KLF10: variants seen among roughly 807,000 people sequenced by gnomAD.
The protein encoded by KLF10 is KLF transcription factor 10, also known as Krueppel-like factor 10.
In KLF10, 17 loss-of-function variants were observed where a neutral mutation model predicts 31.6. The ratio of observed to expected loss-of-function variants is 0.54; its 90% CI spans 0.37 to 0.81. KLF10 has a LOEUF of 0.81. Among genes scored for constraint, KLF10 ranks in the 30% least tolerant of loss-of-function variants. KLF10 has a pLI of 0.00. For missense variants in KLF10, 525 were observed against 598.1 expected (o/e 0.88, Z 1.27); for synonymous variants, 239 against 215.1 (o/e 1.11, Z -0.97).
At chr8:102,650,485 AAAT>A (rs1307144534) in intron 3 of KLF10, 94 bp from the exon 4 acceptor site, 44 of 1,251,784 alleles carry the variant, frequency 3.5e-5, no homozygotes, top group Non-Finnish European at 4.3e-5. Context: ...GATACATTTT[AAAT>A]AATAAAAGCT....
At position 102,655,688 on chromosome 8, in the gene KLF10, A is replaced by T; in HGVS notation, c.-87T>A. 6.7e-7 allele frequency: 1 copy of T among 1,482,728 alleles called. No homozygotes were observed. The highest frequency in any genetic ancestry group is 2.4e-5 in the East Asian group (1 of 41,912). 91.8% of individuals were successfully genotyped at this position (1,482,728 alleles called of 1,614,324 possible). ...ACAGACGGGCGCACGGAGACACTCG[A>T]CGCCGCTCCCGCCGCCGCCGCGCTC... is the stretch of plus-strand genomic sequence containing the variant. On this transcript the variant is annotated 5_prime_UTR_variant, in exon 1 of 4. Coordinates refer to ENST00000285407, the MANE Select transcript of KLF10 (RefSeq NM_005655.4).
At position 102,655,689 on chromosome 8, in the gene KLF10, C is replaced by T. The variant is rs1487524940; in HGVS notation, c.-88G>A. ...CAGACGGGCGCACGGAGACACTCGACGCCGCTCCCGCCGCCGCCGCGCTCA... is the reference window on the plus strand; with the variant it reads ...CAGACGGGCGCACGGAGACACTCGATGCCGCTCCCGCCGCCGCCGCGCTCA... On this transcript the variant is annotated 5_prime_UTR_variant, in exon 1 of 4. Transcript: ENST00000285407. The T allele has an allele frequency of 2.1e-6, 3 of 1,434,688 alleles. No individual in the cohort carries two copies. The highest frequency in any genetic ancestry group is 2.9e-6 in the Non-Finnish European group (3 of 1,035,664). The allele number at this position is 1,434,688 out of a possible 1,614,324, so 88.9% of individuals were successfully genotyped here. A position where few individuals can be genotyped will look rare whatever the true frequency, so the allele number is the denominator to read the frequency against.
chr8:102,655,519 A>C, intron 1 of KLF10, 47 bp downstream of exon 1: 1 of 1,612,740 alleles, frequency 6.2e-7, no homozygotes, highest in Non-Finnish European at 8.5e-7. Flanking sequence ...TTGGCCCCCC[A>C]GACAAGACCA....
chr8:102,655,725 C>A lies in KLF10; in HGVS notation c.-124G>T, dbSNP rs1223798919. 3 of 1,145,760 alleles carry A rather than the reference C, an allele frequency of 2.6e-6. No homozygotes were observed. Among genetic ancestry groups the A allele is most frequent in the African/African-American group, 3.1e-5 (2 of 65,160 alleles). The allele number at this position is 1,145,760 out of a possible 1,614,324, so 71.0% of individuals were successfully genotyped here. A position where few individuals can be genotyped will look rare whatever the true frequency, so the allele number is the denominator to read the frequency against. On this transcript the variant is annotated 5_prime_UTR_variant, in exon 1 of 4. Coordinates refer to ENST00000285407, the MANE Select transcript of KLF10 (RefSeq NM_005655.4). The stretch of plus-strand genomic sequence containing the variant: ...CCGCCGCCGCGCTCAGCGCCGTCTG[C>A]CCCCTCCCCATTCAGGTAGCCGCTC...
In KLF10 at chr8:102,649,721, A is replaced by C. The variant is rs1827161116; in HGVS notation, c.*411T>G. Reference sequence around the variant, plus strand: ...TTTACATCTCCATGTCTGTACCGTAATGTTTATTTCCTTCCAGCCTCCATA... The same window carrying C: ...TTTACATCTCCATGTCTGTACCGTACTGTTTATTTCCTTCCAGCCTCCATA... On this transcript the variant is annotated 3_prime_UTR_variant, in exon 4 of 4. Transcript: ENST00000285407. The C allele has an allele frequency of 5.1e-6, 1 of 196,988 alleles. No individual in the cohort carries two copies. Among genetic ancestry groups the C allele is most frequent in the East Asian group, 1.3e-4 (1 of 7,938 alleles). The allele number at this position is 196,988 out of a possible 1,614,324, so 12.2% of individuals were successfully genotyped here. A position where few individuals can be genotyped will look rare whatever the true frequency, so the allele number is the denominator to read the frequency against.
At chr8:102,653,744 CAAAAAAAG>C in intron 1 of KLF10, 8 of 1,143,990 alleles carry the variant, frequency 7.0e-6, no homozygotes, top group Non-Finnish European at 8.6e-6. Flanking sequence ...GACGCCAATG[CAAAAAAAG>C]GAAAAAAGAA....
intron 1 of KLF10, 48 bp downstream of exon 1, chr8:102,655,518 C>T (rs200549867): frequency 1.7e-5 from 27 of 1,612,786 alleles, no homozygotes; most frequent in East Asian, 2.2e-5. Flanking sequence ...TTTGGCCCCC[C>T]AGACAAGACC....
chr8:102,652,619 TTCC>T (rs1827244746), intron 1 of KLF10, among the ~76,000 whole-genome samples: 1 of 152,090 alleles, frequency 6.6e-6, no homozygotes, highest in South Asian at 2.1e-4. Context: ...CAATAAAATC[TTCC>T]TCATTTTTTC....
At chr8:102,653,415 A>C (rs1328045645) in intron 1 of KLF10, 3 of 1,435,820 alleles carry the variant, frequency 2.1e-6, no homozygotes, top group African/African-American at 2.9e-5. Context: ...AGAACTACCT[A>C]ATGTTTTATA....
intron 3 of KLF10, among the ~76,000 whole-genome samples, chr8:102,650,656 G>T (rs1330469723): frequency 6.6e-6 from 1 of 152,128 alleles, no homozygotes; most frequent in African/African-American, 2.4e-5. Context: ...TGGGGCAGGA[G>T]GATAGCTTGA....
chr8:102,654,002 G>C, intron 1 of KLF10: 4 of 984,738 alleles, frequency 4.1e-6, no homozygotes, highest in Non-Finnish European at 3.6e-6. Context: ...ATTCCTCGCC[G>C]CTCGCACGTC....
rs1827156608 is a variant in KLF10, at chr8:102,649,525, G to A, written c.*607C>T. On this transcript the variant is annotated 3_prime_UTR_variant, in exon 4 of 4. Coordinates refer to ENST00000285407, the MANE Select transcript of KLF10 (RefSeq NM_005655.4). Reference sequence around the variant, plus strand: ...ATTAAGGAGGATTCCAATTCTTTGGGCCCTCTTAGCAATATACAGTCGTTC... The same window carrying A: ...ATTAAGGAGGATTCCAATTCTTTGGACCCTCTTAGCAATATACAGTCGTTC... 1 of 152,258 alleles carries A rather than the reference G, an allele frequency of 6.6e-6. No individual in the cohort carries two copies. Among genetic ancestry groups the A allele is most frequent in the Non-Finnish European group, 1.5e-5 (1 of 68,108 alleles). The allele number at this position is 152,258 out of a possible 1,614,324, so 9.4% of individuals were successfully genotyped here.
chr8:102,654,060 C>T (rs1827295995), intron 1 of KLF10: 2 of 847,854 alleles, frequency 2.4e-6, no homozygotes, highest in Non-Finnish European at 2.8e-6. Flanking sequence ...GCGGCCCGAG[C>T]CCGGATTGGC....
chr8:102,653,276 T>C (rs1272701852), intron 1 of KLF10, among the ~76,000 whole-genome samples: 1 of 152,190 alleles, frequency 6.6e-6, no homozygotes, highest in Non-Finnish European at 1.5e-5. Context: ...AATCAAAAAA[T>C]TTAATATTCT....
chr8:102,650,845 C>T (rs909429425), intron 3 of KLF10, among the ~76,000 whole-genome samples: 2 of 152,136 alleles, frequency 1.3e-5, no homozygotes, highest in Admixed American at 6.5e-5. Context: ...AACAAAAGCA[C>T]ATCAATAAAG....
chr8:102,653,139 C>A lies in KLF10; in HGVS notation c.37-742G>T, dbSNP rs187659155. Among the ~76,000 whole-genome samples, 333 of 152,184 alleles carry A rather than the reference C, an allele frequency of 2.2e-3. 1 individual carries two copies. The highest frequency in any genetic ancestry group is 5.6e-3 in the African/African-American group (233 of 41,500). ...CAAGTGATATACATAGAAAAAAATT[C>A]TAATGTTTATTTTAATTAACTTTCA... On this transcript the variant is annotated intron_variant, in intron 1 of 3. Coordinates refer to ENST00000285407, the MANE Select transcript of KLF10 (RefSeq NM_005655.4).
chr8:102,653,261 T>C (rs1357783003), intron 1 of KLF10, among the ~76,000 whole-genome samples: 1 of 152,226 alleles, frequency 6.6e-6, no homozygotes, highest in Non-Finnish European at 1.5e-5. Context: ...TACTAAAAAC[T>C]GGATAATCAA....
intron 1 of KLF10, among the ~76,000 whole-genome samples, chr8:102,654,785 G>A (rs1288622850): frequency 1.4e-5 from 1 of 69,814 alleles, no homozygotes; most frequent in Non-Finnish European, 2.9e-5. Context: ...CCACCTTCCC[G>A]CCCCAGCTGC....
chr8:102,653,408 A>C lies in KLF10; in HGVS notation c.37-1011T>G, dbSNP rs983106024. The C allele has an allele frequency of 8.7e-6, 12 of 1,380,030 alleles. No individual in the cohort carries two copies. In the South Asian group the frequency reaches 1.5e-4, roughly 17 times the overall value. The allele number at this position is 1,380,030 out of a possible 1,614,324, so 85.5% of individuals were successfully genotyped here. A position where few individuals can be genotyped will look rare whatever the true frequency, so the allele number is the denominator to read the frequency against. On this transcript the variant is annotated intron_variant, in intron 1 of 3. Transcript: ENST00000285407. The stretch of plus-strand genomic sequence containing the variant: ...CACAGGTTTTGCACTTATTTGTAGA[A>C]CTACCTAATGTTTTATAGTAAAGTT...
Sources: gnomAD v4.1 joint callset for allele counts (sites outside exome capture counted in the v4.1 genomes callset) on GRCh38, gnomAD v4.1.1 for gene constraint, MANE v1.5 for transcripts, NCBI Gene and HGNC (gene_info 2026-07-23, HGNC 2026-07-21) for gene names.